The following ISG20L2 variants were observed in gnomAD, a reference collection of about 807,000 sequenced individuals.
The protein encoded by ISG20L2 is interferon stimulated exonuclease gene 20 like 2, also known as interferon-stimulated 20 kDa exonuclease-like 2.
Under a neutral mutation model 27.8 loss-of-function variants are expected in ISG20L2, and 14 were observed. The ratio of observed to expected loss-of-function variants is 0.50; its 90% CI spans 0.33 to 0.79. The LOEUF (loss-of-function observed/expected upper bound fraction) is 0.79. ISG20L2 is among the 30% of genes least tolerant of loss of function. The pLI is 0.02. For missense variants in ISG20L2, 393 were observed against 435.1 expected (o/e 0.90, Z 0.86); for synonymous variants, 157 against 165.7 (o/e 0.95, Z 0.40).
Position 156,723,175 on chromosome 1 carries a change from G to A in ISG20L2, c.*174C>T, listed in dbSNP as rs1648608481. ...TCCATGGGACACTTAACCAGACACA[G>A]GACACAACACCTGAGGTGAAATTTC... On this transcript the variant is annotated 3_prime_UTR_variant, in exon 4 of 4. Coordinates refer to ENST00000368219, the MANE Select transcript of ISG20L2 (RefSeq NM_001370150.2). The A allele has an allele frequency of 1.3e-6, 1 of 757,820 alleles. No homozygotes were observed. The highest frequency in any genetic ancestry group is 2.1e-6 in the Non-Finnish European group (1 of 469,982). The allele number at this position is 757,820 out of a possible 1,614,324, so 46.9% of individuals were successfully genotyped here.
At position 156,728,736 on chromosome 1, in the gene ISG20L2, C is replaced by G. The variant is rs1171161074; in HGVS notation, c.-439G>C. On this transcript the variant is annotated 5_prime_UTR_variant, in exon 1 of 4. Transcript: ENST00000368219. ...GGAACTGCAGCCCGCCGGACACCTC[C>G]GGCTTCACTTCCGTAAGAGGAGAGG... The G allele has an allele frequency of 8.9e-5, 89 of 1,005,612 alleles. No individual in the cohort carries two copies. The highest frequency in any genetic ancestry group is 2.4e-4 in the Admixed American group (4 of 16,664). The allele number at this position is 1,005,612 out of a possible 1,614,324, so 62.3% of individuals were successfully genotyped here.
intron 2 of ISG20L2, chr1:156,726,509 G>C: frequency 1.2e-6 from 1 of 808,968 alleles, no homozygotes; most frequent in Non-Finnish European, 1.5e-6. Flanking sequence ...GCTCACTGCA[G>C]CCTCGACCTC....
At chr1:156,726,527 G>T in intron 2 of ISG20L2, 1 of 747,516 alleles carries the variant, frequency 1.3e-6, no homozygotes, top group Non-Finnish European at 1.6e-6. Context: ...CTCCTGAGTA[G>T]CTGGGACTAC....
intron 3 of ISG20L2, 40 bp downstream of exon 3, chr1:156,724,108 C>A: frequency 6.5e-7 from 1 of 1,546,804 alleles, no homozygotes; most frequent in South Asian, 1.1e-5. Flanking sequence ...CAACGAGAGC[C>A]ATGTCCAAGA....
At chr1:156,723,810 C>T in intron 3 of ISG20L2, 1 of 1,240,964 alleles carries the variant, frequency 8.1e-7, no homozygotes, top group Non-Finnish European at 1.0e-6. Flanking sequence ...CCCCATCTTC[C>T]TGCCAGATGG....
At chr1:156,723,755 T>C in intron 3 of ISG20L2, 1 of 985,458 alleles carries the variant, frequency 1.0e-6, no homozygotes, top group Non-Finnish European at 1.2e-6. Context: ...CTTCTGAGTC[T>C]TCCACTTTCC....
At chr1:156,726,855 A>G (rs1409384732) in intron 2 of ISG20L2, 51 bp downstream of exon 2, 1 of 1,566,248 alleles carries the variant, frequency 6.4e-7, no homozygotes, top group Non-Finnish European at 8.7e-7. Flanking sequence ...AAAATGATTT[A>G]GACCTCTCTC....
At chr1:156,724,449 C>T in intron 2 of ISG20L2, 101 bp from the exon 3 acceptor site, 1 of 1,391,098 alleles carries the variant, frequency 7.2e-7, no homozygotes, top group South Asian at 1.5e-5. Flanking sequence ...TGGATTCTTT[C>T]ACCAACTGCC....
At chr1:156,728,315 A>G in intron 1 of ISG20L2, 100 bp downstream of exon 1, 1 of 985,708 alleles carries the variant, frequency 1.0e-6, no homozygotes, top group Non-Finnish European at 1.2e-6. Context: ...GACACCATCT[A>G]CCAGCGCGGG....
At position 156,728,448 on chromosome 1, in the gene ISG20L2, C is replaced by A. The variant is rs1360157114; in HGVS notation, c.-151G>T. 1 of 985,774 alleles carries A rather than the reference C, an allele frequency of 1.0e-6. No homozygotes were observed. Among genetic ancestry groups the A allele is most frequent in the Non-Finnish European group, 1.2e-6 (1 of 829,982 alleles). 61.1% of individuals were successfully genotyped at this position (985,774 alleles called of 1,614,324 possible). A position where few individuals can be genotyped will look rare whatever the true frequency, so the allele number is the denominator to read the frequency against. On this transcript the variant is annotated 5_prime_UTR_variant, in exon 1 of 4. Coordinates refer to ENST00000368219, the MANE Select transcript of ISG20L2 (RefSeq NM_001370150.2). The stretch of plus-strand genomic sequence containing the variant: ...CGGGTCCAGCTAAGACCGGAAGCGT[C>A]CGGAGCCGGATGCGGAAATCGGTGC...
rs748460849 is a variant in ISG20L2 at position 156,724,380 on chromosome 1, A to C, written c.748-32T>G. On this transcript the variant is annotated intron_variant, in intron 2 of 3. Coordinates refer to ENST00000368219, the MANE Select transcript of ISG20L2 (RefSeq NM_001370150.2). Reference sequence around the variant, plus strand: ...GAAGTGTGGGAAGAGAGTGGTGAGAAGGAAGACTGAAGTGGAACCCCTGCA... The same window carrying C: ...GAAGTGTGGGAAGAGAGTGGTGAGACGGAAGACTGAAGTGGAACCCCTGCA... 3 of 1,573,400 alleles carry C rather than the reference A, an allele frequency of 1.9e-6. No homozygotes were observed. The South Asian group carries it at 3.4e-5, about 18-fold the overall frequency.
At chr1:156,725,897 A>G in intron 2 of ISG20L2, 1 of 985,538 alleles carries the variant, frequency 1.0e-6, no homozygotes, top group Non-Finnish European at 1.2e-6. Flanking sequence ...CATATAAGGC[A>G]TTATGGGAAC....
intron 2 of ISG20L2, 180 bp downstream of exon 2, chr1:156,726,726 G>C (rs1257066222): frequency 1.0e-6 from 1 of 985,410 alleles, no homozygotes; most frequent in Non-Finnish European, 1.2e-6. Context: ...CCAGCTAATT[G>C]TACCTTCCTG....
intron 3 of ISG20L2, 93 bp from the exon 4 acceptor site, chr1:156,723,555 G>A (rs949039704): frequency 6.4e-6 from 10 of 1,553,942 alleles, no homozygotes; most frequent in African/African-American, 1.4e-5. Context: ...CCCTGCCTCC[G>A]CTACACAGTT....
chr1:156,725,937 C>T (rs985036004), intron 2 of ISG20L2: 1 of 985,552 alleles, frequency 1.0e-6, no homozygotes, highest in East Asian at 1.1e-4. Flanking sequence ...GAGTGTGGAC[C>T]TGAAACTGCA....
Position 156,727,170 on chromosome 1 carries a change from T to C in ISG20L2, c.483A>G (p.Gln161=). ...CGGAGCATTTATTCTCTGAATGAGC[T>C]TGGGTGGAGTTCTGTGGGGCATTCT... ...PQKNAPQNST[Q]AHSENKCSGA... is the part of the protein sequence containing the mutation. The change falls in exon 2 of 4, where the codon CAA becomes CAG. Residue 161 remains glutamine, a synonymous_variant. Transcript: ENST00000368219. The C allele has an allele frequency of 6.2e-7, 1 of 1,614,008 alleles. No homozygotes were observed. Among genetic ancestry groups the C allele is most frequent in the Non-Finnish European group, 8.5e-7 (1 of 1,180,034 alleles).
At position 156,727,721 on chromosome 1, in the gene ISG20L2, A is replaced by G. The variant is rs1402269774; in HGVS notation, c.-69T>C. 6.5e-7 allele frequency: 1 copy of G among 1,547,204 alleles called. No individual in the cohort carries two copies. Among genetic ancestry groups the G allele is most frequent in the Non-Finnish European group, 8.7e-7 (1 of 1,155,192 alleles). On this transcript the variant is annotated 5_prime_UTR_variant, in exon 2 of 4. An upstream start codon of the reference 5' UTR is lost. Coordinates refer to ENST00000368219, the MANE Select transcript of ISG20L2 (RefSeq NM_001370150.2). ...TGGATGAAAAGAGGATGTGGGACTC[A>G]TTCTCTGCTGAATCCTACTGTCCAA...
Position 156,723,390 on chromosome 1 carries a change from C to T in ISG20L2, c.1021G>A (p.Glu341Lys), listed in dbSNP as rs778779400. The T allele has an allele frequency of 1.7e-5, 28 of 1,614,146 alleles. No homozygotes were observed. The highest frequency in any genetic ancestry group is 5.5e-5 in the South Asian group (5 of 91,076). Residue 341 changes from glutamate (E) to lysine (K), a missense_variant, in exon 4 of 4, where the codon GAG (glutamate) becomes AAG (lysine). By Grantham distance (56) the Glu-to-Lys change is moderately conservative. Transcript: ENST00000368219. ...TTCCGGGCTAGGTGCTCTTCCCACT[C>T]GACTTCAACCAACTTATATAGCTCC... The part of the protein sequence containing the change: ...TMELYKLVEV[E>K]WEEHLARNPP...
rs530065541 is a variant in ISG20L2, at chr1:156,728,636, G to A, written c.-339C>T. 96 of 985,598 alleles carry A rather than the reference G, an allele frequency of 9.7e-5. No homozygotes were observed. Among genetic ancestry groups the A allele is most frequent in the Non-Finnish European group, 1.0e-4 (86 of 829,822 alleles). The allele number at this position is 985,598 out of a possible 1,614,324, so 61.1% of individuals were successfully genotyped here. A position where few individuals can be genotyped will look rare whatever the true frequency, so the allele number is the denominator to read the frequency against. On this transcript the variant is annotated 5_prime_UTR_variant, in exon 1 of 4. Transcript: ENST00000368219. Reference sequence around the variant, plus strand: ...GAGGGGGCGGCGTGGGTGGGGGCGGGGGCGGGATGCGCTCCCCGGCCCCTC... The same window carrying A: ...GAGGGGGCGGCGTGGGTGGGGGCGGAGGCGGGATGCGCTCCCCGGCCCCTC...
Sources: gnomAD v4.1 joint callset for allele counts on GRCh38, gnomAD v4.1.1 for gene constraint, MANE v1.5 for transcripts, NCBI Gene and HGNC (gene_info 2026-07-23, HGNC 2026-07-21) for gene names.